Variants in NXN observed in about 807,000 individuals in gnomAD.
NXN encodes nucleoredoxin 1.
A neutral mutation model predicts 48.6 loss-of-function variants in NXN; 16 were observed. That is an observed-to-expected ratio of 0.33 (90% CI 0.22 to 0.50). NXN has a LOEUF of 0.50. Among genes scored for constraint, NXN ranks in the 20% least tolerant of loss-of-function variants. The pLI, the probability that NXN is intolerant of heterozygous loss-of-function variation, is 0.98. For synonymous variants in NXN, 281 were observed against 269.6 expected (o/e 1.04, Z -0.41); for missense variants, 492 against 605.5 (o/e 0.81, Z 1.97).
At chr17:889,031 G>A (rs182183521) in intron 1 of NXN, among the ~76,000 whole-genome samples, 28 of 150,208 alleles carry the variant, frequency 1.9e-4, no homozygotes, top group Admixed American at 1.1e-3. Flanking sequence ...ACAAGAACCA[G>A]AACGCTGGGG....
intron 1 of NXN, among the ~76,000 whole-genome samples, chr17:946,240 C>T (rs2069042821): frequency 1.4e-5 from 1 of 73,974 alleles, no homozygotes; most frequent in Admixed American, 1.3e-4. Context: ...GGGATCCCTG[C>T]TCACTGCAAG....
intron 1 of NXN, among the ~76,000 whole-genome samples, chr17:976,597 C>T (rs1034855331): frequency 6.6e-6 from 1 of 152,172 alleles, no homozygotes; most frequent in African/African-American, 2.4e-5. Flanking sequence ...CGTGTTCACC[C>T]ATCCAGTGCC....
chr17:940,805 G>A (rs1197015713), intron 1 of NXN, among the ~76,000 whole-genome samples: 2 of 150,922 alleles, frequency 1.3e-5, no homozygotes, highest in African/African-American at 2.5e-5. Flanking sequence ...ATAGATTCCA[G>A]GGTGCAGCTA....
intron 5 of NXN, among the ~76,000 whole-genome samples, chr17:809,994 G>A (rs1911839851): frequency 1.4e-5 from 2 of 147,152 alleles, no homozygotes; most frequent in African/African-American, 2.5e-5. Context: ...TGAGTGGCGT[G>A]TACGTTACGA....
intron 2 of NXN, 68 bp from the exon 3 acceptor site, chr17:823,833 T>C (rs1481965541): frequency 1.4e-5 from 22 of 1,570,870 alleles, no homozygotes; most frequent in Non-Finnish European, 1.8e-5. Context: ...CCAGGAGACT[T>C]CAGAGCGGTT....
At chr17:871,916 G>A (rs1430581913) in intron 1 of NXN, among the ~76,000 whole-genome samples, 1 of 152,022 alleles carries the variant, frequency 6.6e-6, no homozygotes, top group African/African-American at 2.4e-5. Flanking sequence ...ACTCGGGGGT[G>A]AGGGATTGGG....
At chr17:835,111 A>T (rs372258112) in intron 1 of NXN, among the ~76,000 whole-genome samples, 9 of 151,392 alleles carry the variant, frequency 5.9e-5, no homozygotes, top group Admixed American at 4.6e-4. Context: ...GATCGAGACC[A>T]TCCTGGCTAA....
chr17:948,731 G>A lies in NXN; in HGVS notation c.360+30588C>T, dbSNP rs1284454361. Among the ~76,000 whole-genome samples, 5 of 151,728 alleles carry A rather than the reference G, an allele frequency of 3.3e-5. No homozygotes were observed. In the East Asian group the frequency reaches 5.8e-4, roughly 18 times the overall value. On this transcript the variant is annotated intron_variant, in intron 1 of 7. Transcript: ENST00000336868. Reference sequence around the variant, plus strand: ...CCCGGCCCGTCCCGCCCCAGCGCTCGGAGGCTGAGAGCAGCATTCTCAGAT... The same window carrying A: ...CCCGGCCCGTCCCGCCCCAGCGCTCAGAGGCTGAGAGCAGCATTCTCAGAT...
chr17:903,023 G>T (rs945247812), intron 1 of NXN, among the ~76,000 whole-genome samples: 3 of 150,656 alleles, frequency 2.0e-5, no homozygotes, highest in Non-Finnish European at 4.4e-5. Flanking sequence ...CGCCCACCTC[G>T]GCCTCCCAAA....
chr17:809,906 T>C (rs75177393), intron 5 of NXN, among the ~76,000 whole-genome samples: 21,540 of 122,220 alleles, frequency 0.18, 3,304 homozygotes, highest in East Asian at 0.28. Flanking sequence ...TCCCTGTGAG[T>C]GCCGTGCACG....
At chr17:937,290 G>C (rs1346381669) in intron 1 of NXN, among the ~76,000 whole-genome samples, 1 of 152,064 alleles carries the variant, frequency 6.6e-6, no homozygotes, top group Non-Finnish European at 1.5e-5. Flanking sequence ...GGAGGGCAGG[G>C]GGCAAGGTGC....
intron 1 of NXN, among the ~76,000 whole-genome samples, chr17:847,004 A>G (rs538669174): frequency 7.2e-5 from 11 of 152,296 alleles, no homozygotes; most frequent in African/African-American, 2.4e-4. Context: ...GTGACTACGT[A>G]GCGCCTACCG....
chr17:975,500 G>A (rs1052609752), intron 1 of NXN, among the ~76,000 whole-genome samples: 1 of 152,128 alleles, frequency 6.6e-6, no homozygotes, highest in Non-Finnish European at 1.5e-5. Context: ...ACCCAGAGCA[G>A]CCAGAGTGAG....
intron 1 of NXN, among the ~76,000 whole-genome samples, chr17:838,649 A>G (rs1384762150): frequency 6.6e-6 from 1 of 152,234 alleles, no homozygotes; most frequent in Non-Finnish European, 1.5e-5. Context: ...CAATATAAAA[A>G]TATGAAGCAA....
intron 1 of NXN, among the ~76,000 whole-genome samples, chr17:935,313 G>A (rs115586745): frequency 0.027 from 4,112 of 152,112 alleles, 95 homozygotes; most frequent in Middle Eastern, 0.051. Context: ...TCTTTAAACA[G>A]CCGCAGGACT....
intron 1 of NXN, among the ~76,000 whole-genome samples, chr17:970,481 G>A (rs1254016939): frequency 1.3e-5 from 2 of 151,954 alleles, no homozygotes; most frequent in African/African-American, 4.8e-5. Flanking sequence ...CATGGAAAAA[G>A]GCAGCAAGAG....
At chr17:884,747 G>C (rs1195998233) in intron 1 of NXN, among the ~76,000 whole-genome samples, 1 of 152,238 alleles carries the variant, frequency 6.6e-6, no homozygotes, top group Non-Finnish European at 1.5e-5. Flanking sequence ...AAAAGGGATG[G>C]ACGGTCCCTC....
chr17:951,105 G>C (rs1050593674), intron 1 of NXN, among the ~76,000 whole-genome samples: 1 of 150,088 alleles, frequency 6.7e-6, no homozygotes, highest in African/African-American at 2.5e-5. Flanking sequence ...GGGAGGCCGA[G>C]GCTGGCAGAT....
intron 1 of NXN, among the ~76,000 whole-genome samples, chr17:870,410 G>A: frequency 6.7e-6 from 1 of 150,356 alleles, no homozygotes; most frequent in East Asian, 1.9e-4. Flanking sequence ...GAGTGAGGCG[G>A]CCTAAGGGAG....
Sources: gnomAD v4.1 joint callset for allele counts (sites outside exome capture counted in the v4.1 genomes callset) on GRCh38, gnomAD v4.1.1 for gene constraint, MANE v1.5 for transcripts, NCBI Gene and HGNC (gene_info 2026-07-23, HGNC 2026-07-21) for gene names.